PTPRD: variants seen among roughly 807,000 people sequenced by gnomAD.
PTPRD encodes protein tyrosine phosphatase receptor type D, also known as receptor-type tyrosine-protein phosphatase delta.
A neutral mutation model predicts 214.5 loss-of-function variants in PTPRD; 34 were observed. That is an observed-to-expected ratio of 0.16 (90% CI 0.12 to 0.21). The LOEUF (loss-of-function observed/expected upper bound fraction) is 0.21. Ranked by LOEUF, PTPRD falls within the 10% of genes least tolerant of loss-of-function variation. The probability of loss-of-function intolerance (pLI) is 1.00; values close to 1 mark genes in which losing one functional copy is unlikely to be tolerated. For missense variants in PTPRD, 2,545 were observed against 2,398.7 expected (o/e 1.06, Z -1.27); for synonymous variants, 1,128 against 845.7 (o/e 1.33, Z -5.79).
intron 14 of PTPRD, among the ~76,000 whole-genome samples, chr9:8,623,174 T>G (rs908244236): frequency 6.6e-5 from 10 of 151,660 alleles, no homozygotes; most frequent in South Asian, 2.1e-4. Context: ...AACACAAATG[T>G]TTATGGAAAA....
chr9:9,458,343 T>C (rs1044957946), intron 8 of PTPRD, among the ~76,000 whole-genome samples: 14 of 152,094 alleles, frequency 9.2e-5, no homozygotes, highest in Non-Finnish European at 1.0e-4. Flanking sequence ...TCCAACATTG[T>C]ACCACTATTT....
rs1229438444 is a variant in PTPRD at position 8,359,971 on chromosome 9, G to C, written c.4661+15965C>G. ...CTCCTCCCATTGCTTACTGCACTAG[G>C]TCAGCTCAATGTTTGTTAGGAGGCT... On this transcript the variant is annotated intron_variant, in intron 39 of 45. Coordinates refer to ENST00000381196, the MANE Select transcript of PTPRD (RefSeq NM_002839.4). Among the ~76,000 whole-genome samples, 5 of 152,058 alleles carry C rather than the reference G, an allele frequency of 3.3e-5. No homozygotes were observed. The East Asian group carries it at 9.6e-4, about 29-fold the overall frequency.
intron 44 of PTPRD, among the ~76,000 whole-genome samples, chr9:8,330,028 G>T (rs558366238): frequency 1.3e-5 from 2 of 152,218 alleles, no homozygotes; most frequent in East Asian, 3.9e-4. Context: ...GAATCTCCTG[G>T]TTTACCAGTT....
intron 2 of PTPRD, among the ~76,000 whole-genome samples, chr9:10,379,220 A>G (rs1452719186): frequency 6.6e-6 from 1 of 151,272 alleles, no homozygotes. Context: ...AATTTAAAGG[A>G]TTTGTTTGTT....
chr9:10,536,217 GC>G (rs1344832647), intron 2 of PTPRD, among the ~76,000 whole-genome samples: 3 of 152,070 alleles, frequency 2.0e-5, no homozygotes, highest in Admixed American at 1.3e-4. Context: ...AATTATTAAA[GC>G]AATTATATAG....
intron 9 of PTPRD, among the ~76,000 whole-genome samples, chr9:9,254,424 T>C (rs2099976841): frequency 6.6e-6 from 1 of 152,112 alleles, no homozygotes; most frequent in African/African-American, 2.4e-5. Flanking sequence ...TTATTGTTTT[T>C]CGTTAGCTTT....
intron 30 of PTPRD, among the ~76,000 whole-genome samples, chr9:8,476,377 A>C (rs1466902487): frequency 2.6e-5 from 4 of 151,962 alleles, no homozygotes; most frequent in Non-Finnish European, 4.4e-5. Context: ...CCCACTGCTT[A>C]CCTCCTGCTG....
At chr9:10,297,756 C>A (rs1043621613) in intron 3 of PTPRD, among the ~76,000 whole-genome samples, 1 of 152,076 alleles carries the variant, frequency 6.6e-6, no homozygotes, top group Admixed American at 6.6e-5. Context: ...TCAACTCTAG[C>A]TCTTTAATTA....
intron 2 of PTPRD, among the ~76,000 whole-genome samples, chr9:10,363,996 T>TTTGTTGC (rs1555222209): frequency 0.42 from 41,030 of 98,550 alleles, 12,718 homozygotes; most frequent in Non-Finnish European, 0.61. Context: ...TTCGGGTTTT[T>TTTGTTGC]TTTTTTTTTT....
intron 10 of PTPRD, among the ~76,000 whole-genome samples, chr9:9,023,251 T>C (rs578116067): frequency 6.6e-6 from 1 of 152,290 alleles, no homozygotes; most frequent in Non-Finnish European, 1.5e-5. Flanking sequence ...AAATATTCAG[T>C]GAACTGAATT....
At chr9:9,227,560 C>A (rs2133687241) in intron 9 of PTPRD, among the ~76,000 whole-genome samples, 1 of 152,224 alleles carries the variant, frequency 6.6e-6, no homozygotes, top group African/African-American at 2.4e-5. Flanking sequence ...ATGGGCTGAA[C>A]TTAGGTACTT....
At chr9:10,336,341 G>C (rs774939186) in intron 3 of PTPRD, among the ~76,000 whole-genome samples, 3 of 151,532 alleles carry the variant, frequency 2.0e-5, no homozygotes, top group Admixed American at 6.6e-5. Flanking sequence ...AGCAGAAGGA[G>C]AATACCAGTT....
At chr9:10,098,896 T>A (rs558067134) in intron 3 of PTPRD, among the ~76,000 whole-genome samples, 1 of 151,792 alleles carries the variant, frequency 6.6e-6, no homozygotes, top group Non-Finnish European at 1.5e-5. Context: ...GTTCCCAGTA[T>A]ACAATATTTT....
chr9:9,919,066 A>G (rs948548519), intron 5 of PTPRD, among the ~76,000 whole-genome samples: 5 of 152,180 alleles, frequency 3.3e-5, no homozygotes, highest in African/African-American at 1.2e-4. Context: ...CTAATGTTAA[A>G]CAACTAAAAA....
chr9:8,947,107 T>C (rs1011646633), intron 11 of PTPRD, among the ~76,000 whole-genome samples: 27 of 151,356 alleles, frequency 1.8e-4, no homozygotes, highest in African/African-American at 6.5e-4. Context: ...TTCTTTATTA[T>C]ATTATTTGTT....
chr9:10,281,533 A>C (rs1225959444), intron 3 of PTPRD, among the ~76,000 whole-genome samples: 1 of 152,210 alleles, frequency 6.6e-6, no homozygotes, highest in African/African-American at 2.4e-5. Context: ...ACTATGGTTC[A>C]TTTAAGACTA....
At chr9:10,055,436 G>C (rs2097613263) in intron 3 of PTPRD, among the ~76,000 whole-genome samples, 1 of 151,970 alleles carries the variant, frequency 6.6e-6, no homozygotes, top group African/African-American at 2.4e-5. Flanking sequence ...TAATGGAGTA[G>C]TTACTATTTT....
At chr9:10,589,196 G>A (rs2074758340) in intron 2 of PTPRD, among the ~76,000 whole-genome samples, 2 of 152,028 alleles carry the variant, frequency 1.3e-5, no homozygotes, top group African/African-American at 4.8e-5. Flanking sequence ...AAGGATTTCA[G>A]AAATGTCTGT....
At chr9:8,400,255 A>T (rs2092148718) in intron 36 of PTPRD, among the ~76,000 whole-genome samples, 1 of 152,230 alleles carries the variant, frequency 6.6e-6, no homozygotes, top group Non-Finnish European at 1.5e-5. Flanking sequence ...ATTAGAAGGC[A>T]TTATAATAAA....
Sources: gnomAD v4.1 joint callset for allele counts (sites outside exome capture counted in the v4.1 genomes callset) on GRCh38, gnomAD v4.1.1 for gene constraint, MANE v1.5 for transcripts, NCBI Gene and HGNC (gene_info 2026-07-23, HGNC 2026-07-21) for gene names.